The following PPP1R9A variants were observed in gnomAD, a reference collection of about 807,000 sequenced individuals.
PPP1R9A encodes protein phosphatase 1 regulatory subunit 9A.
Under a neutral mutation model 141.9 loss-of-function variants are expected in PPP1R9A, and 59 were observed. The ratio of observed to expected loss-of-function variants is 0.42; its 90% CI spans 0.34 to 0.52. The LOEUF (loss-of-function observed/expected upper bound fraction) is 0.52, where lower values mean the gene tolerates loss of function less well. PPP1R9A is among the 20% of genes least tolerant of loss of function. The pLI, the probability that PPP1R9A is intolerant of heterozygous loss-of-function variation, is 0.10. For missense variants in PPP1R9A, 1,444 were observed against 1,611.9 expected, an observed-to-expected ratio of 0.90 and a Z score of 1.78; for synonymous variants, 500 against 569.7, an observed-to-expected ratio of 0.88 and a Z score of 1.74.
intron 7 of PPP1R9A, among the ~76,000 whole-genome samples, chr7:95,221,174 C>A (rs191065274): frequency 6.6e-6 from 1 of 152,080 alleles, no homozygotes; most frequent in African/African-American, 2.4e-5. Context: ...GCAACAATAG[C>A]GGTCACTCGT....
intron 2 of PPP1R9A, among the ~76,000 whole-genome samples, chr7:95,034,033 A>G (rs1808091228): frequency 6.6e-6 from 1 of 152,166 alleles, no homozygotes; most frequent in African/African-American, 2.4e-5. Flanking sequence ...AGAATCAGTC[A>G]GTTTCCACAG....
chr7:94,943,746 A>C (rs1413879253), intron 2 of PPP1R9A, among the ~76,000 whole-genome samples: 1 of 152,198 alleles, frequency 6.6e-6, no homozygotes, highest in Non-Finnish European at 1.5e-5. Flanking sequence ...TTTGTTCATA[A>C]TGATATTTAA....
At chr7:94,937,104 T>G (rs1268724417) in intron 2 of PPP1R9A, among the ~76,000 whole-genome samples, 2 of 152,134 alleles carry the variant, frequency 1.3e-5, no homozygotes, top group Non-Finnish European at 2.9e-5. Context: ...TTGATGGATA[T>G]TAGATTATTT....
intron 2 of PPP1R9A, among the ~76,000 whole-genome samples, chr7:95,069,746 C>T (rs796298058): frequency 1.3e-5 from 2 of 152,124 alleles, no homozygotes; most frequent in African/African-American, 4.8e-5. Context: ...TTTCTAAGGA[C>T]TTGTTTTTCT....
intron 2 of PPP1R9A, among the ~76,000 whole-genome samples, chr7:94,934,304 A>G (rs1794502755): frequency 6.6e-6 from 1 of 152,222 alleles, no homozygotes. Flanking sequence ...TAATTGAGTC[A>G]CAACAGCACA....
intron 2 of PPP1R9A, among the ~76,000 whole-genome samples, chr7:94,980,905 G>A (rs1800027169): frequency 6.6e-6 from 1 of 152,110 alleles, no homozygotes; most frequent in Non-Finnish European, 1.5e-5. Flanking sequence ...ACTAATCTTT[G>A]TTGAGTGGCA....
intron 5 of PPP1R9A, among the ~76,000 whole-genome samples, chr7:95,195,575 G>A (rs1361592838): frequency 1.3e-5 from 2 of 151,680 alleles, no homozygotes; most frequent in Non-Finnish European, 2.9e-5. Flanking sequence ...ACCGTGTCCA[G>A]CATGAATATT....
intron 2 of PPP1R9A, among the ~76,000 whole-genome samples, chr7:95,085,813 A>C (rs1294638970): frequency 6.6e-6 from 1 of 151,996 alleles, no homozygotes; most frequent in Non-Finnish European, 1.5e-5. Context: ...AGGAGTTTTA[A>C]ATTTTAATAC....
At chr7:94,995,439 G>A (rs1276616732) in intron 2 of PPP1R9A, among the ~76,000 whole-genome samples, 1 of 151,754 alleles carries the variant, frequency 6.6e-6, no homozygotes, top group Non-Finnish European at 1.5e-5. Flanking sequence ...TCACACATAT[G>A]TTAGGTTGCT....
intron 12 of PPP1R9A, among the ~76,000 whole-genome samples, chr7:95,256,985 C>A (rs1449878975): frequency 6.6e-6 from 1 of 152,048 alleles, no homozygotes; most frequent in African/African-American, 2.4e-5. Flanking sequence ...GCTTTTTATG[C>A]AAAATTAATC....
intron 2 of PPP1R9A, among the ~76,000 whole-genome samples, chr7:94,951,213 G>C (rs1166202960): frequency 6.6e-6 from 1 of 151,880 alleles, no homozygotes; most frequent in South Asian, 2.1e-4. Flanking sequence ...AAAAAAAAAT[G>C]CTTATACTTT....
At chr7:95,163,883 C>T (rs914173725) in intron 5 of PPP1R9A, among the ~76,000 whole-genome samples, 2 of 152,130 alleles carry the variant, frequency 1.3e-5, no homozygotes, top group African/African-American at 4.8e-5. Context: ...GGATTACAGG[C>T]ATCCACCACC....
At chr7:95,228,260 A>G (rs192567036) in intron 8 of PPP1R9A, among the ~76,000 whole-genome samples, 16 of 152,272 alleles carry the variant, frequency 1.1e-4, no homozygotes, top group African/African-American at 3.4e-4. Flanking sequence ...GCTAAACTCA[A>G]AGCTCGCATG....
intron 2 of PPP1R9A, among the ~76,000 whole-genome samples, chr7:95,104,675 A>T (rs987482002): frequency 1.3e-5 from 2 of 152,206 alleles, no homozygotes; most frequent in African/African-American, 4.8e-5. Context: ...TACACTAGAT[A>T]ATTCTACCTA....
intron 8 of PPP1R9A, among the ~76,000 whole-genome samples, chr7:95,227,103 G>GTA (rs1795241789): frequency 6.6e-6 from 1 of 152,184 alleles, no homozygotes; most frequent in East Asian, 1.9e-4. Context: ...GGGAGAAAGA[G>GTA]GTGTAATCTA....
At chr7:95,160,555 A>T (rs764354877) in intron 4 of PPP1R9A, among the ~76,000 whole-genome samples, 1 of 151,422 alleles carries the variant, frequency 6.6e-6, no homozygotes, top group East Asian at 1.9e-4. Context: ...CAGGGGGTAC[A>T]TGTGCAGATT....
At chr7:95,048,923 A>AACAGGGAGAAG (rs1810410146) in intron 2 of PPP1R9A, among the ~76,000 whole-genome samples, 3 of 152,092 alleles carry the variant, frequency 2.0e-5, no homozygotes, top group Admixed American at 6.6e-5. Flanking sequence ...ATTTGAAATT[A>AACAGGGAGAAG]TTTCAGTTAT....
At chr7:95,137,353 C>T (rs190656156) in intron 4 of PPP1R9A, among the ~76,000 whole-genome samples, 13 of 132,318 alleles carry the variant, frequency 9.8e-5, no homozygotes, top group Admixed American at 7.9e-4. Context: ...TTTGTCCTTG[C>T]GATAGTTTGC....
At chr7:95,051,250 T>C (rs1389956815) in intron 2 of PPP1R9A, among the ~76,000 whole-genome samples, 1 of 152,156 alleles carries the variant, frequency 6.6e-6, no homozygotes, top group Non-Finnish European at 1.5e-5. Flanking sequence ...CTGTCTTTTC[T>C]CCATTGTATT....
Sources: allele counts gnomAD v4.1 joint callset (sites outside exome capture counted in the v4.1 genomes callset), GRCh38; gene constraint gnomAD v4.1.1; transcripts MANE v1.5; gene names NCBI Gene and HGNC (gene_info 2026-07-23, HGNC 2026-07-21).